Variants in MYT1L observed in about 807,000 individuals in gnomAD.
MYT1L encodes the protein myelin transcription factor 1-like protein.
Under a neutral mutation model 126.7 loss-of-function variants are expected in MYT1L, and 12 were observed. That is an observed-to-expected ratio of 0.09 (90% CI 0.06 to 0.15). MYT1L has a LOEUF of 0.15. Among genes scored for constraint, MYT1L ranks in the 10% least tolerant of loss-of-function variants. MYT1L has a pLI of 1.00. For missense variants in MYT1L, 979 were observed against 1,585.2 expected (o/e 0.62, Z 6.49); for synonymous variants, 541 against 604.2 (o/e 0.90, Z 1.53).
chr2:1,963,301 T>C (rs2059109264), intron 8 of MYT1L, among the ~76,000 whole-genome samples: 1 of 152,182 alleles, frequency 6.6e-6, no homozygotes, highest in African/African-American at 2.4e-5. Context: ...AACCATGCTG[T>C]AAACAAATGT....
In MYT1L at chr2:1,793,109, C is replaced by T. The variant is rs1206762995; in HGVS notation, c.3277-645G>A. 6.6e-6 allele frequency among the ~76,000 whole-genome samples: 1 copy of T among 152,180 alleles called. No homozygotes were observed. The highest frequency in any genetic ancestry group is 1.5e-5 in the Non-Finnish European group (1 of 68,034). ...TCTGCCACAGCTAAGTCCTCCAATG[C>T]TCATTTCTGTGTGGAGGTGTCACTG... On this transcript the variant is annotated intron_variant, in intron 23 of 24. Transcript: ENST00000647738. This position sits in a 1 kb window ranked among gnomAD's most constrained non-coding sequence, Gnocchi z 4.6.
intron 8 of MYT1L, among the ~76,000 whole-genome samples, chr2:1,946,940 T>C (rs183278092): frequency 6.6e-6 from 1 of 152,190 alleles, no homozygotes; most frequent in African/African-American, 2.4e-5. Flanking sequence ...TAGCAGATAA[T>C]AGATGCAGCT....
intron 3 of MYT1L, among the ~76,000 whole-genome samples, chr2:2,164,731 G>A (rs1052305005): frequency 2.0e-5 from 3 of 152,322 alleles, no homozygotes; most frequent in East Asian, 3.9e-4. Context: ...AGAAAGACAC[G>A]TGCTGTCAAC....
intron 2 of MYT1L, among the ~76,000 whole-genome samples, chr2:2,229,412 TATAAAG>T (rs1194762555): frequency 6.6e-5 from 10 of 152,132 alleles, no homozygotes; most frequent in African/African-American, 9.7e-5. Context: ...CTTGAACACT[TATAAAG>T]ATAGTCTCAT....
At chr2:1,986,467 A>G (rs996613564) in intron 5 of MYT1L, among the ~76,000 whole-genome samples, 4 of 152,230 alleles carry the variant, frequency 2.6e-5, no homozygotes, top group Non-Finnish European at 5.9e-5. Context: ...ATCATGTTTG[A>G]GCCGGGAAGC....
chr2:2,061,582 G>A (rs1238069007), intron 3 of MYT1L, among the ~76,000 whole-genome samples: 1 of 152,024 alleles, frequency 6.6e-6, no homozygotes, highest in African/African-American at 2.4e-5. Context: ...GAGGGAAGAG[G>A]GACGCTGAAG....
At chr2:2,275,622 C>T (rs1040947306) in intron 2 of MYT1L, among the ~76,000 whole-genome samples, 1 of 152,162 alleles carries the variant, frequency 6.6e-6, no homozygotes, top group Non-Finnish European at 1.5e-5. Context: ...AACACCAGCT[C>T]CTGCTCTGAG....
rs2093972000 is a variant in MYT1L, at chr2:2,224,991, T to G, written c.-420-52003A>C. Among the ~76,000 whole-genome samples, 1 of 151,320 alleles carries G rather than the reference T, an allele frequency of 6.6e-6. No individual in the cohort carries two copies. Among genetic ancestry groups the G allele is most frequent in the Non-Finnish European group, 1.5e-5 (1 of 67,958 alleles). On this transcript the variant is annotated intron_variant, in intron 2 of 24. Transcript: ENST00000647738. This position sits in a 1 kb window ranked among gnomAD's most constrained non-coding sequence, Gnocchi z 4.0. Reference sequence around the variant, plus strand: ...TCTGTCACCGTCTTGGAAACTTTAATATGCTTGAAAAACAGGCCGTGGGTT... The same window carrying G: ...TCTGTCACCGTCTTGGAAACTTTAAGATGCTTGAAAAACAGGCCGTGGGTT...
Position 1,929,221 on chromosome 2 carries a change from C to T in MYT1L, c.506-5958G>A, listed in dbSNP as rs145169625. ...TTCAGTCGGGCACCTCTCCTAGGTG[C>T]GGCGCTGACCTCGGCGCCCCTCAGC... On this transcript the variant is annotated intron_variant, in intron 9 of 24. Transcript: ENST00000647738. The surrounding 1 kb of genome is among the most constrained non-coding windows in gnomAD (Gnocchi z 4.7). Among the ~76,000 whole-genome samples, 206 of 152,236 alleles carry T rather than the reference C, an allele frequency of 1.4e-3. No individual in the cohort carries two copies. The highest frequency in any genetic ancestry group is 4.8e-3 in the African/African-American group (201 of 41,546).
chr2:2,301,966 G>C (rs1434351307), intron 1 of MYT1L, among the ~76,000 whole-genome samples: 2 of 152,032 alleles, frequency 1.3e-5, no homozygotes, highest in Admixed American at 1.3e-4. Flanking sequence ...CACTAAGTTA[G>C]AGTTTGTTGA....
intron 8 of MYT1L, among the ~76,000 whole-genome samples, chr2:1,959,638 G>A (rs2058795651): frequency 6.6e-6 from 1 of 152,154 alleles, no homozygotes; most frequent in Non-Finnish European, 1.5e-5. Context: ...GAAGCCCCTG[G>A]CTACCTGCAG....
At chr2:1,876,538 C>T (rs139623910) in intron 18 of MYT1L, among the ~76,000 whole-genome samples, 1 of 152,236 alleles carries the variant, frequency 6.6e-6, no homozygotes, top group Non-Finnish European at 1.5e-5. Flanking sequence ...ACCCCGGCAA[C>T]CTTTCCCCAT....
At chr2:2,062,820 T>G (rs1157280064) in intron 3 of MYT1L, among the ~76,000 whole-genome samples, 1 of 152,120 alleles carries the variant, frequency 6.6e-6, no homozygotes, top group East Asian at 1.9e-4. Context: ...GTCGTCATAA[T>G]TTTCTCTTTG....
chr2:2,142,758 C>T (rs2084205297), intron 3 of MYT1L, among the ~76,000 whole-genome samples: 1 of 151,944 alleles, frequency 6.6e-6, no homozygotes, highest in South Asian at 2.1e-4. Context: ...ATGATCTCGG[C>T]TCACTGCAAC....
At chr2:1,931,769 T>C (rs553118456) in intron 9 of MYT1L, among the ~76,000 whole-genome samples, 1 of 152,286 alleles carries the variant, frequency 6.6e-6, no homozygotes, top group Non-Finnish European at 1.5e-5. Context: ...GGACTGAAGT[T>C]TGTTTCCCTG....
intron 2 of MYT1L, among the ~76,000 whole-genome samples, chr2:2,246,896 C>G (rs931049310): frequency 6.6e-6 from 1 of 152,146 alleles, no homozygotes; most frequent in Non-Finnish European, 1.5e-5. Context: ...TAACATGTAG[C>G]CCACAGAGCA....
chr2:2,040,708 G>T (rs2067433209), intron 4 of MYT1L, among the ~76,000 whole-genome samples: 1 of 151,974 alleles, frequency 6.6e-6, no homozygotes, highest in Non-Finnish European at 1.5e-5. Flanking sequence ...TTAATTTTTT[G>T]GTCAATTTCT....
At position 1,801,761 on chromosome 2, in the gene MYT1L, C is replaced by T; in HGVS notation, c.3211G>A (p.Glu1071Lys). 6.2e-7 allele frequency: 1 copy of T among 1,610,838 alleles called. No homozygotes were observed. ...NDEEIKQLDEEIKELNESNSQ... is the reference protein window; with the variant it reads ...NDEEIKQLDEKIKELNESNSQ... The stretch of plus-strand genomic sequence containing the variant: ...TTGGATTCATTTAGCTCCTTGATTT[C>T]TTCATCTAACTGTTTGATTTCTTCA... The change falls in exon 23 of 25, where the codon GAA (glutamate) becomes AAA (lysine). Residue 1071 changes from glutamate to lysine, a missense_variant. Glu to Lys is a moderately conservative substitution (Grantham distance 56, BLOSUM62 1). This residue lies in a region of MYT1L where 179 missense variants were observed against 398.6 expected (regional missense o/e 0.45). Coordinates refer to ENST00000647738, the MANE Select transcript of MYT1L (RefSeq NM_001303052.2). This position sits in a 1 kb window ranked among gnomAD's most constrained non-coding sequence, Gnocchi z 4.2.
intron 3 of MYT1L, among the ~76,000 whole-genome samples, chr2:2,118,626 A>G (rs2080539773): frequency 6.6e-6 from 1 of 152,248 alleles, no homozygotes; most frequent in South Asian, 2.1e-4. Flanking sequence ...AAAATCGACA[A>G]CAAAACAAAT....
Sources: gnomAD v4.1 joint callset for allele counts (sites outside exome capture counted in the v4.1 genomes callset) on GRCh38, gnomAD v4.1.1 for gene constraint, gnomAD v4.1.1 regional missense constraint, Gnocchi (gnomAD v3.1) non-coding constraint, MANE v1.5 for transcripts, NCBI Gene and HGNC (gene_info 2026-07-23, HGNC 2026-07-21) for gene names.